The following MSI2 variants were observed in gnomAD, a reference collection of about 807,000 sequenced individuals.
The protein encoded by MSI2 is musashi RNA binding protein 2.
In MSI2, 17 loss-of-function variants were observed where a neutral mutation model predicts 45.6. That is an observed-to-expected ratio of 0.37 (90% CI 0.26 to 0.56). The LOEUF is 0.56. MSI2 is among the 20% of genes least tolerant of loss of function. The pLI is 0.77. For synonymous variants in MSI2, 156 were observed against 158.2 expected (o/e 0.99, Z 0.11); for missense variants, 293 against 444.2 (o/e 0.66, Z 3.06).
chr17:57,472,861 A>G (rs1270500732), intron 6 of MSI2, among the ~76,000 whole-genome samples: 1 of 149,958 alleles, frequency 6.7e-6, no homozygotes, highest in African/African-American at 2.4e-5. Context: ...ACTATCCATC[A>G]TTGAGTTTTC....
chr17:57,267,069 G>A (rs1245967557), intron 5 of MSI2: 1 of 152,396 alleles, frequency 6.6e-6, no homozygotes, highest in Non-Finnish European at 1.5e-5. Flanking sequence ...GTGAGTTTTC[G>A]GCATCTGGCC....
intron 7 of MSI2, among the ~76,000 whole-genome samples, chr17:57,564,555 A>T (rs1331219029): frequency 6.6e-6 from 1 of 152,142 alleles, no homozygotes; most frequent in Non-Finnish European, 1.5e-5. Flanking sequence ...TCAGTATTGC[A>T]GTCTGAGTCC....
At chr17:57,647,508 C>T (rs969854490) in intron 10 of MSI2, among the ~76,000 whole-genome samples, 2 of 151,882 alleles carry the variant, frequency 1.3e-5, no homozygotes, top group African/African-American at 4.8e-5. Flanking sequence ...TGCTTACTAC[C>T]AGCTGACCAT....
chr17:57,276,612 C>G (rs1348648175), intron 5 of MSI2, among the ~76,000 whole-genome samples: 2 of 152,198 alleles, frequency 1.3e-5, no homozygotes, highest in Non-Finnish European at 2.9e-5. Flanking sequence ...GAGGGAGGAA[C>G]AAGACCAGAG....
the MSI2 span, among the ~76,000 whole-genome samples, chr17:57,690,922 CGACCTAAGTCTGCACA>C: frequency 2.2e-3 from 331 of 152,232 alleles, 2 homozygotes; most frequent in African/African-American, 7.7e-3. Context: ...ATTTTGCATG[CGACCTAAGTCTGCACA>C]GACCTAAGTC....
intron 7 of MSI2, among the ~76,000 whole-genome samples, chr17:57,575,520 T>A (rs2088013259): frequency 6.6e-6 from 1 of 152,274 alleles, no homozygotes; most frequent in Non-Finnish European, 1.5e-5. Flanking sequence ...CAGATGGCTT[T>A]GTTTGGCCAG....
chr17:57,439,066 C>T (rs2084746596), intron 6 of MSI2, among the ~76,000 whole-genome samples: 1 of 152,180 alleles, frequency 6.6e-6, no homozygotes, highest in East Asian at 1.9e-4. Flanking sequence ...AGCCACCATG[C>T]CCGGCCTAGG....
intron 5 of MSI2, among the ~76,000 whole-genome samples, chr17:57,299,457 A>G (rs1249414584): frequency 1.3e-5 from 2 of 152,198 alleles, no homozygotes; most frequent in Non-Finnish European, 2.9e-5. Flanking sequence ...ACGTGAACAC[A>G]TAGAGGCCAT....
intron 7 of MSI2, among the ~76,000 whole-genome samples, chr17:57,562,961 G>A (rs949713009): frequency 1.3e-5 from 2 of 151,978 alleles, no homozygotes; most frequent in African/African-American, 4.8e-5. Flanking sequence ...AGCCAGGTGT[G>A]GTGGCGCATG....
chr17:57,637,187 C>T (rs185179932), intron 10 of MSI2, among the ~76,000 whole-genome samples: 196 of 152,278 alleles, frequency 1.3e-3, no homozygotes, highest in Non-Finnish European at 2.0e-3. Flanking sequence ...ATACTTGGGG[C>T]CTATCCTCTC....
chr17:57,419,660 C>A (rs188454711), intron 6 of MSI2, among the ~76,000 whole-genome samples: 1 of 152,118 alleles, frequency 6.6e-6, no homozygotes. Context: ...AGGCATGAGC[C>A]ACTGTGCCAG....
At chr17:57,346,349 G>GA (rs779101521) in intron 5 of MSI2, among the ~76,000 whole-genome samples, 4 of 46,340 alleles carry the variant, frequency 8.6e-5, no homozygotes, top group African/African-American at 1.7e-4. Flanking sequence ...AACACATTTT[G>GA]GGGGGGGGGG....
chr17:57,649,592 C>G (rs1910975408), intron 10 of MSI2, among the ~76,000 whole-genome samples: 1 of 152,188 alleles, frequency 6.6e-6, no homozygotes. Flanking sequence ...CACACACACC[C>G]CTTGTATCTG....
intron 7 of MSI2, among the ~76,000 whole-genome samples, chr17:57,545,345 A>G (rs2087140310): frequency 6.6e-6 from 1 of 152,184 alleles, no homozygotes; most frequent in South Asian, 2.1e-4. Flanking sequence ...AACTGGGTGG[A>G]TGGATGGACC....
intron 5 of MSI2, among the ~76,000 whole-genome samples, chr17:57,310,006 T>G (rs973913505): frequency 6.6e-6 from 1 of 152,166 alleles, no homozygotes; most frequent in Non-Finnish European, 1.5e-5. Context: ...GGGTTTGGGC[T>G]TTGATGAGTC....
chr17:57,284,760 C>A (rs1452494588), intron 5 of MSI2, among the ~76,000 whole-genome samples: 2 of 152,138 alleles, frequency 1.3e-5, no homozygotes, highest in Non-Finnish European at 2.9e-5. Context: ...GGCTTCATGG[C>A]GTCATCTGCC....
chr17:57,502,604 T>TAGATAGATAG (rs201642252), intron 6 of MSI2, among the ~76,000 whole-genome samples: 43 of 76,540 alleles, frequency 5.6e-4, no homozygotes, highest in African/African-American at 2.7e-3. Context: ...GACTCTGAGA[T>TAGATAGATAG]ATATATATAT....
intron 6 of MSI2, among the ~76,000 whole-genome samples, chr17:57,493,893 T>G (rs1306968370): frequency 6.6e-6 from 1 of 152,100 alleles, no homozygotes; most frequent in African/African-American, 2.4e-5. Flanking sequence ...AGGGAAAGTT[T>G]TAATTACCAT....
intron 8 of MSI2, among the ~76,000 whole-genome samples, chr17:57,614,354 A>G (rs115893209): frequency 3.9e-5 from 6 of 152,184 alleles, no homozygotes; most frequent in African/African-American, 1.4e-4. Flanking sequence ...CGTCCGGCCT[A>G]GAGGTCTCTG....
Sources: gnomAD v4.1 joint callset for allele counts (sites outside exome capture counted in the v4.1 genomes callset) on GRCh38, gnomAD v4.1.1 for gene constraint, MANE v1.5 for transcripts, NCBI Gene and HGNC (gene_info 2026-07-23, HGNC 2026-07-21) for gene names.